The following PKIA variants were observed in gnomAD, a reference collection of about 807,000 sequenced individuals.
The protein encoded by PKIA is PKI-alpha.
Under a neutral mutation model 7.6 loss-of-function variants are expected in PKIA, and 4 were observed. The ratio of observed to expected loss-of-function variants is 0.52; its 90% CI spans 0.26 to 1.20. The LOEUF (loss-of-function observed/expected upper bound fraction) is 1.20, where lower values mean the gene tolerates loss of function less well. Ranked by LOEUF, PKIA falls within the 50% of genes most tolerant of loss-of-function variation. The pLI, the probability that PKIA is intolerant of heterozygous loss-of-function variation, is 0.13. For missense variants in PKIA, 73 were observed against 86.2 expected (o/e 0.85, Z 0.61); for synonymous variants, 21 against 30.7 (o/e 0.68, Z 1.04).
At chr8:78,575,895 TAC>T (rs1359511448) in intron 2 of PKIA, among the ~76,000 whole-genome samples, 1 of 152,016 alleles carries the variant, frequency 6.6e-6, no homozygotes, top group Non-Finnish European at 1.5e-5. Context: ...ATTTTATTTT[TAC>T]ACAGTTCTGG....
intron 1 of PKIA, among the ~76,000 whole-genome samples, chr8:78,557,234 A>G (rs1807162580): frequency 6.6e-6 from 1 of 152,214 alleles, no homozygotes; most frequent in South Asian, 2.1e-4. Flanking sequence ...AGAAATGATA[A>G]TAACTTGGTT....
Position 78,601,871 on chromosome 8 carries a change from G to A in PKIA, c.*50G>A, listed in dbSNP as rs191674190. ...ACCTGAAAATGTCTCAAATCTCCAG[G>A]AGTATCTGGAATGCATTTGTTTCCA... On this transcript the variant is annotated 3_prime_UTR_variant, in exon 4 of 4. Transcript: ENST00000396418. 7.4e-7 allele frequency: 1 copy of A among 1,359,634 alleles called. No homozygotes were observed. Among genetic ancestry groups the A allele is most frequent in the Admixed American group, 1.7e-5 (1 of 57,840 alleles). 84.2% of individuals were successfully genotyped at this position (1,359,634 alleles called of 1,614,324 possible).
chr8:78,519,500 T>C (rs1325760645), intron 1 of PKIA, among the ~76,000 whole-genome samples: 2 of 152,110 alleles, frequency 1.3e-5, no homozygotes, highest in African/African-American at 4.8e-5. Flanking sequence ...GGAAAAAGAA[T>C]AGCAATAATA....
At chr8:78,564,816 T>C (rs1807366572) in intron 1 of PKIA, among the ~76,000 whole-genome samples, 1 of 151,888 alleles carries the variant, frequency 6.6e-6, no homozygotes, top group Middle Eastern at 3.2e-3. Context: ...TATGAGACTA[T>C]CTAGCAAAAT....
chr8:78,541,688 A>G (rs1806692827), intron 1 of PKIA, among the ~76,000 whole-genome samples: 1 of 152,124 alleles, frequency 6.6e-6, no homozygotes, highest in Non-Finnish European at 1.5e-5. Context: ...TTCAAATGGT[A>G]ATTAAAGTGT....
intron 1 of PKIA, among the ~76,000 whole-genome samples, chr8:78,530,864 T>TA (rs1806371977): frequency 6.6e-6 from 1 of 152,198 alleles, no homozygotes; most frequent in East Asian, 1.9e-4. Flanking sequence ...ATAACTGCAT[T>TA]AGGAAGTTTT....
Position 78,605,025 on chromosome 8 carries a change from G to A in PKIA, c.*3204G>A, listed in dbSNP as rs903996330. The A allele has an allele frequency of 4.0e-5, 6 of 151,852 alleles. No homozygotes were observed. The highest frequency in any genetic ancestry group is 2.1e-4 in the South Asian group (1 of 4,824). The allele number at this position is 151,852 out of a possible 1,614,324, so 9.4% of individuals were successfully genotyped here. A position where few individuals can be genotyped will look rare whatever the true frequency, so the allele number is the denominator to read the frequency against. On this transcript the variant is annotated 3_prime_UTR_variant, in exon 4 of 4. Transcript: ENST00000396418. Reference sequence around the variant, plus strand: ...TAATGGATAAAGAAATGTAACTGCCGGGCAGCAAAGCTTCTAAGTGAAACC... The same window carrying A: ...TAATGGATAAAGAAATGTAACTGCCAGGCAGCAAAGCTTCTAAGTGAAACC...
intron 1 of PKIA, among the ~76,000 whole-genome samples, chr8:78,556,951 T>C (rs755381986): frequency 1.3e-5 from 2 of 152,146 alleles, no homozygotes; most frequent in Non-Finnish European, 2.9e-5. Context: ...AGTTGGTCAA[T>C]TAATGGCAAC....
chr8:78,525,154 T>C (rs545365012), intron 1 of PKIA, among the ~76,000 whole-genome samples: 4 of 151,674 alleles, frequency 2.6e-5, no homozygotes, highest in Non-Finnish European at 4.4e-5. Context: ...CACTTAACCA[T>C]GCACCATCTG....
intron 1 of PKIA, among the ~76,000 whole-genome samples, chr8:78,549,701 T>C (rs1205136031): frequency 2.1e-5 from 3 of 144,922 alleles, no homozygotes; most frequent in Non-Finnish European, 4.5e-5. Context: ...CTCACAATTC[T>C]GAACCCTTGA....
chr8:78,534,933 A>G (rs1356024439), intron 1 of PKIA: 1 of 152,132 alleles, frequency 6.6e-6, no homozygotes, highest in African/African-American at 2.4e-5. Context: ...TTCTTTAGTC[A>G]TTGACTTTCT....
At chr8:78,535,078 T>A (rs1806487877) in intron 1 of PKIA, 1 of 152,194 alleles carries the variant, frequency 6.6e-6, no homozygotes, top group Non-Finnish European at 1.5e-5. Context: ...TCAAGCATTT[T>A]GACATGTTAG....
chr8:78,518,512 C>G (rs1438427397), intron 1 of PKIA, among the ~76,000 whole-genome samples: 4 of 151,948 alleles, frequency 2.6e-5, no homozygotes, highest in Admixed American at 2.6e-4. Flanking sequence ...TCTAAATAAC[C>G]TAAGGTATAT....
intron 2 of PKIA, among the ~76,000 whole-genome samples, chr8:78,584,062 T>C (rs1807888189): frequency 6.6e-6 from 1 of 152,224 alleles, no homozygotes; most frequent in South Asian, 2.1e-4. Context: ...AGCTTATTTT[T>C]AGTTTTCCCC....
At chr8:78,526,624 G>A (rs1450849742) in intron 1 of PKIA, among the ~76,000 whole-genome samples, 1 of 151,898 alleles carries the variant, frequency 6.6e-6, no homozygotes, top group East Asian at 1.9e-4. Flanking sequence ...TCCATTGTAG[G>A]TCATACTTTT....
At chr8:78,587,687 C>T (rs1399179653) in intron 2 of PKIA, among the ~76,000 whole-genome samples, 2 of 152,116 alleles carry the variant, frequency 1.3e-5, no homozygotes, top group East Asian at 1.9e-4. Context: ...AAGCCATCAA[C>T]GAAGTGAAAA....
intron 2 of PKIA, among the ~76,000 whole-genome samples, chr8:78,585,994 G>T (rs1036756572): frequency 6.6e-6 from 1 of 152,198 alleles, no homozygotes; most frequent in East Asian, 1.9e-4. Context: ...TTCTAAAATT[G>T]TCAACCTAGA....
At chr8:78,572,754 A>G (rs188805805) in intron 1 of PKIA, 57 bp from the exon 2 acceptor site, 2 of 152,186 alleles carry the variant, frequency 1.3e-5, no homozygotes, top group Non-Finnish European at 2.9e-5. Context: ...TAAAATTTTT[A>G]AAAATGAAAC....
At chr8:78,523,222 A>G (rs997897392) in intron 1 of PKIA, among the ~76,000 whole-genome samples, 6 of 151,960 alleles carry the variant, frequency 3.9e-5, no homozygotes, top group African/African-American at 1.2e-4. Flanking sequence ...CACACTCCAC[A>G]GTGTAGCTGA....
Sources: gnomAD v4.1 joint callset for allele counts (sites outside exome capture counted in the v4.1 genomes callset) on GRCh38, gnomAD v4.1.1 for gene constraint, MANE v1.5 for transcripts, NCBI Gene and HGNC (gene_info 2026-07-23, HGNC 2026-07-21) for gene names.